The following NKAIN2 variants were observed in gnomAD, a reference collection of about 807,000 sequenced individuals.
NKAIN2 encodes the protein sodium/potassium-transporting ATPase subunit beta-1-interacting protein 2.
In NKAIN2, 14 loss-of-function variants were observed where a neutral mutation model predicts 32.6. That is an observed-to-expected ratio of 0.43 (90% CI 0.28 to 0.67). NKAIN2 has a LOEUF of 0.67. Ranked by LOEUF, NKAIN2 falls within the 30% of genes least tolerant of loss-of-function variation. NKAIN2 has a pLI of 0.17. For synonymous variants in NKAIN2, 80 were observed against 87.2 expected, an observed-to-expected ratio of 0.92 and a Z score of 0.46; for missense variants, 198 against 258.3, an observed-to-expected ratio of 0.77 and a Z score of 1.60.
intron 4 of NKAIN2, among the ~76,000 whole-genome samples, chr6:124,690,888 G>T (rs752080160): frequency 1.3e-5 from 2 of 152,050 alleles, no homozygotes; most frequent in African/African-American, 2.4e-5. Context: ...TTGTCACATG[G>T]CTTTCTTTTG....
chr6:124,346,552 C>A (rs1798433331), intron 2 of NKAIN2, among the ~76,000 whole-genome samples: 2 of 152,114 alleles, frequency 1.3e-5, no homozygotes, highest in Admixed American at 6.6e-5. Flanking sequence ...GGACAATTAG[C>A]TCTTCTTGTT....
At chr6:124,439,826 T>C (rs1775615223) in intron 3 of NKAIN2, among the ~76,000 whole-genome samples, 2 of 152,002 alleles carry the variant, frequency 1.3e-5, no homozygotes, top group Admixed American at 1.3e-4. Context: ...ATATGATATT[T>C]CTTCTGGTCC....
intron 1 of NKAIN2, among the ~76,000 whole-genome samples, chr6:124,141,892 A>G (rs1173031101): frequency 6.6e-6 from 1 of 152,148 alleles, no homozygotes; most frequent in South Asian, 2.1e-4. Context: ...CTCTAATGAC[A>G]TCTCAAAATT....
chr6:124,376,196 A>G lies in NKAIN2; in HGVS notation c.273+20849A>G, dbSNP rs534079569. 3.3e-5 allele frequency among the ~76,000 whole-genome samples: 5 copies of G among 152,174 alleles called. No homozygotes were observed. The South Asian group carries it at 6.2e-4, about 19-fold the overall frequency. On this transcript the variant is annotated intron_variant, in intron 3 of 6. Coordinates refer to ENST00000368417, the MANE Select transcript of NKAIN2 (RefSeq NM_001040214.3). ...AACCCACCCTGATAAATCACATATCATATCCACTTCCTTTCAGCCACACAT... is the reference window on the plus strand; with the variant it reads ...AACCCACCCTGATAAATCACATATCGTATCCACTTCCTTTCAGCCACACAT...
intron 4 of NKAIN2, among the ~76,000 whole-genome samples, chr6:124,661,782 T>G (rs1420546582): frequency 6.6e-6 from 1 of 151,930 alleles, no homozygotes; most frequent in Non-Finnish European, 1.5e-5. Context: ...AAACCAAAAA[T>G]TAAAAAAATC....
At chr6:124,282,827 A>T (rs1455779378) in intron 1 of NKAIN2, among the ~76,000 whole-genome samples, 178 bp from the exon 2 acceptor site, 1 of 152,228 alleles carries the variant, frequency 6.6e-6, no homozygotes, top group East Asian at 1.9e-4. Context: ...CACAGATTCC[A>T]TAGTGTTCCT....
chr6:124,109,709 T>C (rs901988456), intron 1 of NKAIN2, among the ~76,000 whole-genome samples: 1 of 152,042 alleles, frequency 6.6e-6, no homozygotes, highest in African/African-American at 2.4e-5. Context: ...AGCTTTCTGT[T>C]CTTGTTAAGT....
chr6:124,049,975 G>T (rs1200770081), intron 1 of NKAIN2, among the ~76,000 whole-genome samples: 1 of 151,962 alleles, frequency 6.6e-6, no homozygotes, highest in Non-Finnish European at 1.5e-5. Flanking sequence ...AAAAACATAT[G>T]CCGAGTTTTC....
intron 4 of NKAIN2, among the ~76,000 whole-genome samples, chr6:124,729,634 T>A (rs1396783155): frequency 6.6e-6 from 1 of 151,542 alleles, no homozygotes; most frequent in East Asian, 2.0e-4. Flanking sequence ...AAGCATTCCC[T>A]TTGAAAACTG....
chr6:124,714,153 C>G (rs1205050562), intron 4 of NKAIN2, among the ~76,000 whole-genome samples: 1 of 152,166 alleles, frequency 6.6e-6, no homozygotes, highest in Non-Finnish European at 1.5e-5. Context: ...TGTAGTGGCT[C>G]TAACTTCCAG....
chr6:124,255,548 A>G (rs747853568), intron 1 of NKAIN2, among the ~76,000 whole-genome samples: 1 of 152,180 alleles, frequency 6.6e-6, no homozygotes, highest in South Asian at 2.1e-4. Context: ...AGGATGCCGC[A>G]TTTTTATTCA....
intron 2 of NKAIN2, among the ~76,000 whole-genome samples, chr6:124,307,060 G>A (rs1796534830): frequency 6.6e-6 from 1 of 152,084 alleles, no homozygotes; most frequent in Non-Finnish European, 1.5e-5. Context: ...ACCACAGTGA[G>A]GAAAAGGCCC....
At chr6:124,093,784 A>G (rs577903963) in intron 1 of NKAIN2, among the ~76,000 whole-genome samples, 2 of 152,258 alleles carry the variant, frequency 1.3e-5, no homozygotes, top group East Asian at 3.9e-4. Flanking sequence ...TATAGCAGTT[A>G]AGATGAGAAC....
intron 3 of NKAIN2, among the ~76,000 whole-genome samples, chr6:124,529,959 A>C (rs148253719): frequency 9.8e-5 from 15 of 152,300 alleles, no homozygotes; most frequent in African/African-American, 3.6e-4. Flanking sequence ...GAGGTAATTA[A>C]GTCATAATCA....
intron 4 of NKAIN2, among the ~76,000 whole-genome samples, chr6:124,789,311 C>T (rs760697132): frequency 1.3e-5 from 2 of 151,930 alleles, no homozygotes; most frequent in Non-Finnish European, 2.9e-5. Flanking sequence ...AATTGCTTTA[C>T]AAATAATTTA....
intron 2 of NKAIN2, among the ~76,000 whole-genome samples, chr6:124,343,258 CTT>C (rs1212692186): frequency 6.6e-6 from 1 of 152,002 alleles, no homozygotes; most frequent in Non-Finnish European, 1.5e-5. Flanking sequence ...GGTTCCAAGT[CTT>C]TGCTATTGTG....
chr6:124,107,145 C>G (rs1268783895), intron 1 of NKAIN2, among the ~76,000 whole-genome samples: 1 of 152,008 alleles, frequency 6.6e-6, no homozygotes, highest in Non-Finnish European at 1.5e-5. Flanking sequence ...GTGCAAAGGC[C>G]TGAGGCAAGA....
intron 1 of NKAIN2, among the ~76,000 whole-genome samples, chr6:124,095,002 A>C (rs1214654679): frequency 1.3e-5 from 2 of 152,060 alleles, no homozygotes; most frequent in Non-Finnish European, 2.9e-5. Flanking sequence ...ATGTTATTTT[A>C]TTTCTCTGTA....
chr6:124,188,879 A>G (rs1789877988), intron 1 of NKAIN2, among the ~76,000 whole-genome samples: 1 of 152,156 alleles, frequency 6.6e-6, no homozygotes, highest in Admixed American at 6.5e-5. Flanking sequence ...AGTTACAGAA[A>G]ATCTCTTAAG....
Sources: gnomAD v4.1 joint callset for allele counts (sites outside exome capture counted in the v4.1 genomes callset) on GRCh38, gnomAD v4.1.1 for gene constraint, MANE v1.5 for transcripts, NCBI Gene and HGNC (gene_info 2026-07-23, HGNC 2026-07-21) for gene names.